Variants in NME9 observed in about 807,000 individuals in gnomAD.
NME9 encodes the protein thioredoxin domain-containing protein 6.
NME9 carries 48 observed loss-of-function variants against 44.4 expected under a neutral mutation model. The observed-to-expected ratio is 1.08, with a 90% CI of 0.86 to 1.37. NME9 has a LOEUF of 1.37. Ranked by LOEUF, NME9 falls within the 40% of genes most tolerant of loss-of-function variation. NME9 has a pLI of 0.00. For synonymous variants in NME9, 139 were observed against 147.1 expected (o/e 0.94, Z 0.40); for missense variants, 325 against 405.2 (o/e 0.80, Z 1.70).
At chr3:138,281,584 C>G (rs1424499459) in intron 8 of NME9, among the ~76,000 whole-genome samples, 1 of 152,136 alleles carries the variant, frequency 6.6e-6, no homozygotes, top group Non-Finnish European at 1.5e-5. Context: ...AGCCACCGCC[C>G]CGGCCTAATT....
chr3:138,314,486 T>TA, intron 5 of NME9, 79 bp from the exon 6 acceptor site: 2 of 850,702 alleles, frequency 2.4e-6, no homozygotes, highest in African/African-American at 1.7e-5. Context: ...CTGTAGAAAC[T>TA]AAAAAAAGCA....
At chr3:138,295,773 TC>T in intron 8 of NME9, 1 of 1,488,020 alleles carries the variant, frequency 6.7e-7, no homozygotes, top group Non-Finnish European at 9.3e-7. Flanking sequence ...TTTTTAGACT[TC>T]CCCAGCTATC....
At chr3:138,315,846 G>A (rs1009302451) in intron 4 of NME9, among the ~76,000 whole-genome samples, 27 of 152,020 alleles carry the variant, frequency 1.8e-4, no homozygotes, top group Non-Finnish European at 4.0e-4. Context: ...TTGTTTGTTT[G>A]TTCGAGACGG....
At chr3:138,273,204 C>T (rs2048949652) in intron 8 of NME9, 2 of 1,342,884 alleles carry the variant, frequency 1.5e-6, no homozygotes. Flanking sequence ...TCATTAACAT[C>T]TGCCCATGAG....
chr3:138,274,232 C>CGTGTGT (rs111762534), intron 8 of NME9, among the ~76,000 whole-genome samples: 5 of 145,392 alleles, frequency 3.4e-5, no homozygotes, highest in African/African-American at 1.4e-4. Context: ...TGTGTATATA[C>CGTGTGT]ATGTGTGTGT....
intron 6 of NME9, among the ~76,000 whole-genome samples, chr3:138,307,352 C>T (rs1459993413): frequency 1.3e-5 from 2 of 152,170 alleles, no homozygotes; most frequent in African/African-American, 4.8e-5. Context: ...TCTCCATTGT[C>T]CTCCTGCTTA....
At chr3:138,262,635 C>G (rs771398840) in intron 8 of NME9, 56 of 1,513,374 alleles carry the variant, frequency 3.7e-5, no homozygotes, top group Non-Finnish European at 4.9e-5. Flanking sequence ...AGCCCTGACC[C>G]TGGAGAATCT....
At chr3:138,284,474 A>C in intron 8 of NME9, 1 of 1,613,824 alleles carries the variant, frequency 6.2e-7, no homozygotes, top group Non-Finnish European at 8.5e-7. Flanking sequence ...ACAACAGCAA[A>C]AGATCTTATT....
At chr3:138,279,930 A>T (rs1297528318) in intron 8 of NME9, among the ~76,000 whole-genome samples, 1 of 151,326 alleles carries the variant, frequency 6.6e-6, no homozygotes, top group Non-Finnish European at 1.5e-5. Flanking sequence ...TTGGAGACAG[A>T]GTCTCGCTGT....
chr3:138,322,831 T>C (rs1037302575), intron 2 of NME9, among the ~76,000 whole-genome samples: 1 of 152,074 alleles, frequency 6.6e-6, no homozygotes, highest in African/African-American at 2.4e-5. Flanking sequence ...TCACATAGGG[T>C]GCTTAGCAAG....
rs937878233 is a variant in NME9 at position 138,303,604 on chromosome 3, G to A, written c.831C>T (p.Ala277=). 10 of 1,613,386 alleles carry A rather than the reference G, an allele frequency of 6.2e-6. No homozygotes were observed. The Admixed American group carries it at 6.7e-5, about 11-fold the overall frequency. The change falls in exon 10 of 11, where the codon GCC becomes GCT. Residue 277 remains alanine (A), a synonymous_variant. Transcript: ENST00000333911. ...CTTCTCTGTCCCGGCTTCCATGGAC[G>A]GCATTGAAGGGCATTTCTGTGCCGT... The part of the protein sequence containing the change: ...AQYGTEMPFN[A]VHGSRDREDA...
At chr3:138,306,605 T>C in intron 6 of NME9, 125 bp from the exon 7 acceptor site, 1 of 635,090 alleles carries the variant, frequency 1.6e-6, no homozygotes, top group Non-Finnish European at 2.8e-6. Flanking sequence ...GCTTGGGCTC[T>C]CAGAGTTCCC....
chr3:138,263,403 T>G, intron 8 of NME9: 2 of 250,984 alleles, frequency 8.0e-6, no homozygotes, highest in East Asian at 9.5e-5. Context: ...ACCTGCCCAA[T>G]GAGAGTTCAT....
Position 138,277,950 on chromosome 3 carries a change from A to G in NME9, c.746-15364T>C, listed in dbSNP as rs552663828. On this transcript the variant is annotated intron_variant, in intron 8 of 8. Coordinates refer to the NME9 transcript ENST00000317876. ...GGACAAACTGTTGCTGTATGTAACA[A>G]CATGGATGAATCTCAAATGCATTAC... 2.0e-5 allele frequency among the ~76,000 whole-genome samples: 3 copies of G among 152,368 alleles called. No homozygotes were observed. In the South Asian group the frequency reaches 6.2e-4, roughly 32 times the overall value.
At chr3:138,313,459 T>A (rs573493726) in intron 6 of NME9, among the ~76,000 whole-genome samples, 1 of 152,066 alleles carries the variant, frequency 6.6e-6, no homozygotes, top group Non-Finnish European at 1.5e-5. Context: ...GGAATGTTCA[T>A]ATACTGCTGG....
intron 8 of NME9, among the ~76,000 whole-genome samples, chr3:138,266,499 T>C (rs555941316): frequency 2.0e-5 from 3 of 152,328 alleles, no homozygotes; most frequent in South Asian, 4.1e-4. Context: ...AGTAGTCTTA[T>C]GTTTTTCATT....
intron 8 of NME9, chr3:138,263,629 GC>G: frequency 1.0e-6 from 1 of 1,004,378 alleles, no homozygotes; most frequent in Admixed American, 1.7e-5. Flanking sequence ...AAAAACTCTT[GC>G]CAAAAACAAC....
chr3:138,305,646 G>A (rs1347313778), intron 8 of NME9, among the ~76,000 whole-genome samples: 1 of 152,154 alleles, frequency 6.6e-6, no homozygotes, highest in Admixed American at 6.5e-5. Flanking sequence ...AGTTAGATCT[G>A]AGTTATCCAA....
intron 8 of NME9, chr3:138,272,850 CG>C: frequency 1.1e-6 from 1 of 917,724 alleles, no homozygotes; most frequent in South Asian, 2.7e-5. Context: ...CCAGCCTGGG[CG>C]ACAGAGCAAG....
Sources: allele counts gnomAD v4.1 joint callset (sites outside exome capture counted in the v4.1 genomes callset), GRCh38; gene constraint gnomAD v4.1.1; transcripts MANE v1.5; gene names NCBI Gene and HGNC (gene_info 2026-07-23, HGNC 2026-07-21).